Variants in CHD1L observed in about 807,000 individuals in gnomAD.
CHD1L encodes the protein chromodomain helicase DNA binding protein 1 like.
Under a neutral mutation model 115.9 loss-of-function variants are expected in CHD1L, and 118 were observed. The ratio of observed to expected loss-of-function variants is 1.02; its 90% CI spans 0.88 to 1.19. The LOEUF (loss-of-function observed/expected upper bound fraction) is 1.19, where lower values mean the gene tolerates loss of function less well. CHD1L is among the 50% of genes most tolerant of loss of function. The pLI is 0.00. For synonymous variants in CHD1L, 411 were observed against 387.1 expected (o/e 1.06, Z -0.72); for missense variants, 1,179 against 1,065.3 (o/e 1.11, Z -1.49).
At chr1:147,226,014 G>A in the CHD1L span, 1 of 152,086 alleles carries the variant, frequency 6.6e-6, no homozygotes, top group Non-Finnish European at 1.5e-5. Flanking sequence ...GATAACACAA[G>A]TAGTTTAGGT....
chr1:147,237,042 G>GC, the CHD1L span, among the ~76,000 whole-genome samples: 88,588 of 151,944 alleles, frequency 0.58, 27,867 homozygotes, highest in East Asian at 0.87. Flanking sequence ...AGGCTGAGCT[G>GC]CCCCAGCACC....
At chr1:147,209,417 A>G in the CHD1L span, among the ~76,000 whole-genome samples, 8 of 142,248 alleles carry the variant, frequency 5.6e-5, no homozygotes, top group African/African-American at 1.1e-4. Flanking sequence ...CAGCCTGGGC[A>G]ACAGAGTGAG....
At chr1:147,274,216 T>C (rs1456068803) in intron 12 of CHD1L, among the ~76,000 whole-genome samples, 1 of 152,208 alleles carries the variant, frequency 6.6e-6, no homozygotes, top group African/African-American at 2.4e-5. Flanking sequence ...TCGTAGCAAC[T>C]ACTCAACTTC....
chr1:147,288,331 A>AAAAAAAAAG (rs1684123661), intron 19 of CHD1L, among the ~76,000 whole-genome samples: 109 of 1,610 alleles, frequency 0.068, 3 homozygotes, highest in African/African-American at 0.1. Flanking sequence ...TCAATAAAAA[A>AAAAAAAAAG]AAAAAAAAAA....
intron 12 of CHD1L, among the ~76,000 whole-genome samples, chr1:147,274,544 C>G (rs1229410616): frequency 6.6e-6 from 1 of 152,126 alleles, no homozygotes; most frequent in Non-Finnish European, 1.5e-5. Flanking sequence ...CTCTAACGAC[C>G]CTGGCAAGAG....
intron 18 of CHD1L, 135 bp from the exon 19 acceptor site, chr1:147,287,500 T>G (rs587646667): frequency 1.6e-6 from 1 of 612,614 alleles, no homozygotes; most frequent in African/African-American, 1.9e-5. Flanking sequence ...GTGATATTCC[T>G]AGGAGATAAG....
the CHD1L span, chr1:147,184,466 C>G: frequency 6.9e-7 from 1 of 1,458,028 alleles, no homozygotes; most frequent in Non-Finnish European, 9.0e-7. This position sits in a 1 kb window ranked among gnomAD's most constrained non-coding sequence, Gnocchi z 4.4. Context: ...AGGAGTCCAT[C>G]CAGGATACTA....
intron 17 of CHD1L, 141 bp downstream of exon 17, chr1:147,285,628 A>AC: frequency 1.0e-6 from 1 of 964,668 alleles, no homozygotes; most frequent in Non-Finnish European, 1.5e-6. Flanking sequence ...CTTTCTGAAA[A>AC]CATTTCCTCT....
rs1024396953 is a variant in CHD1L at position 147,270,940 on chromosome 1, G to A, written c.1094G>A (p.Arg365Gln). The A allele has an allele frequency of 8.1e-6, 13 of 1,613,730 alleles. No individual in the cohort carries two copies. The highest frequency in any genetic ancestry group is 1.7e-5 in the Admixed American group (1 of 59,978). ...TTTCTTTTTCTTGCCAGGGGCCATCGGGTTTTACTTTTCTCCCAAATGACC... is the reference window on the plus strand; with the variant it reads ...TTTCTTTTTCTTGCCAGGGGCCATCAGGTTTTACTTTTCTCCCAAATGACC... ...LLAFLYSGGHRVLLFSQMTQM... is the reference protein window; with the variant it reads ...LLAFLYSGGHQVLLFSQMTQM... Residue 365 changes from arginine (R) to glutamine (Q), a missense_variant, in exon 11 of 23, where the codon CGG becomes CAG. By Grantham distance (43) the Arg-to-Gln change is conservative (BLOSUM62 1). Coordinates refer to ENST00000369258, the MANE Select transcript of CHD1L (RefSeq NM_004284.6).
In CHD1L at chr1:147,264,093, T is replaced by A. The variant is rs148431317; in HGVS notation, c.577-329T>A. On this transcript the variant is annotated intron_variant, in intron 6 of 22. Transcript: ENST00000369258. The stretch of plus-strand genomic sequence containing the variant: ...ACTCCCCGACACAGGCAGTAACACA[T>A]AGTTTGAATCCCCATCTAAATTCAG... Among the ~76,000 whole-genome samples, 26 of 152,338 alleles carry A rather than the reference T, an allele frequency of 1.7e-4. 1 individual carries two copies. In the East Asian group the frequency reaches 4.6e-3, roughly 27 times the overall value.
chr1:147,186,021 G>A, the CHD1L span, among the ~76,000 whole-genome samples: 1 of 152,160 alleles, frequency 6.6e-6, no homozygotes, highest in Non-Finnish European at 1.5e-5. Flanking sequence ...TAAGGGAGGA[G>A]AAAAGGGGAG....
At chr1:147,193,264 C>T in the CHD1L span, among the ~76,000 whole-genome samples, 1 of 152,112 alleles carries the variant, frequency 6.6e-6, no homozygotes, top group African/African-American at 2.4e-5. Context: ...AGGAATTTAT[C>T]CGTTTCTTCT....
At chr1:147,184,749 C>A in the CHD1L span, 1 of 1,213,386 alleles carries the variant, frequency 8.2e-7, no homozygotes, top group Non-Finnish European at 1.1e-6. The surrounding 1 kb of genome is among the most constrained non-coding windows in gnomAD (Gnocchi z 4.4). Context: ...TCTTGATAAC[C>A]TAGCCGAGAT....
chr1:147,224,281 C>G, the CHD1L span: 1 of 190,930 alleles, frequency 5.2e-6, no homozygotes, highest in Non-Finnish European at 1.1e-5. Flanking sequence ...TGTCCTGGGT[C>G]CTAAATCTGT....
intron 20 of CHD1L, among the ~76,000 whole-genome samples, chr1:147,292,812 T>G (rs1553971764): frequency 6.6e-6 from 1 of 152,136 alleles, no homozygotes; most frequent in African/African-American, 2.4e-5. Flanking sequence ...GGTATGGCAT[T>G]AAGCCATCCA....
At chr1:147,206,078 C>T in the CHD1L span, among the ~76,000 whole-genome samples, 1 of 150,420 alleles carries the variant, frequency 6.6e-6, no homozygotes, top group African/African-American at 2.5e-5. Context: ...AAGAAAAAAA[C>T]AAACAACCCC....
At chr1:147,229,744 C>A in the CHD1L span, among the ~76,000 whole-genome samples, 4 of 151,894 alleles carry the variant, frequency 2.6e-5, no homozygotes, top group African/African-American at 9.7e-5. Context: ...AAGTTGGATT[C>A]CTAGGTATTT....
chr1:147,225,298 A>G, the CHD1L span: 1 of 712,514 alleles, frequency 1.4e-6, no homozygotes. Flanking sequence ...GCCTTTCCTG[A>G]AGCGCTCAAC....
At chr1:147,269,641 C>T (rs1289475056) in intron 10 of CHD1L, among the ~76,000 whole-genome samples, 1 of 131,212 alleles carries the variant, frequency 7.6e-6, no homozygotes, top group Admixed American at 9.2e-5. Context: ...TGCACTCCAG[C>T]CTGGTGACAG....
Sources: gnomAD v4.1 joint callset for allele counts (sites outside exome capture counted in the v4.1 genomes callset) on GRCh38, gnomAD v4.1.1 for gene constraint, Gnocchi (gnomAD v3.1) non-coding constraint, MANE v1.5 for transcripts, NCBI Gene and HGNC (gene_info 2026-07-23, HGNC 2026-07-21) for gene names.